COL5A1: variants seen among roughly 807,000 people sequenced by gnomAD.
COL5A1 encodes the protein collagen type V alpha 1 chain.
COL5A1 carries 16 observed loss-of-function variants against 263.7 expected under a neutral mutation model. That is an observed-to-expected ratio of 0.06 (90% confidence interval 0.04 to 0.09). The LOEUF (loss-of-function observed/expected upper bound fraction) is 0.09. Ranked by LOEUF, COL5A1 falls within the 10% of genes least tolerant of loss-of-function variation. The probability of loss-of-function intolerance (pLI) is 1.00; values close to 1 mark genes in which losing one functional copy is unlikely to be tolerated. For missense variants in COL5A1, 2,036 were observed against 2,540.5 expected, an observed-to-expected ratio of 0.80 and a Z score of 4.27; for synonymous variants, 1,012 against 1,004.5, an observed-to-expected ratio of 1.01 and a Z score of -0.14.
At chr9:134,839,335 G>A (rs184467956) in intron 65 of COL5A1, among the ~76,000 whole-genome samples, 6 of 152,172 alleles carry the variant, frequency 3.9e-5, no homozygotes, top group African/African-American at 4.8e-5. Flanking sequence ...AGAGCGGCTC[G>A]CAGCGGCCTA....
intron 6 of COL5A1, 77 bp downstream of exon 6, chr9:134,728,884 G>A (rs1295532556): frequency 2.5e-6 from 4 of 1,588,736 alleles, no homozygotes; most frequent in Middle Eastern, 3.4e-4. Context: ...GCCAGGAGAG[G>A]TTGTGTCAGG....
At chr9:134,800,745 C>CAAACA (rs1554802726) in intron 37 of COL5A1, among the ~76,000 whole-genome samples, 2 of 25,972 alleles carry the variant, frequency 7.7e-5, no homozygotes, top group East Asian at 4.3e-3. Flanking sequence ...AACTCTGTCT[C>CAAACA]AAACAAAAAA....
At position 134,757,114 on chromosome 9, in the gene COL5A1, G is replaced by T. The variant is rs1480794889; in HGVS notation, c.1881+296G>T. Among the ~76,000 whole-genome samples, 1 of 152,226 alleles carries T rather than the reference G, an allele frequency of 6.6e-6. No homozygotes were observed. Among genetic ancestry groups the T allele is most frequent in the Admixed American group, 6.5e-5 (1 of 15,288 alleles). On this transcript the variant is annotated intron_variant, in intron 17 of 65. Transcript: ENST00000371817. The surrounding 1 kb of genome is among the most constrained non-coding windows in gnomAD (Gnocchi z 6.2). ...TGGCCGTGCAGGTGACGAGGCGCAT[G>T]TAGGGCAGAGGCGGGGCATATGGCA...
intron 11 of COL5A1, among the ~76,000 whole-genome samples, chr9:134,744,658 C>G (rs1835426245): frequency 6.6e-6 from 1 of 151,954 alleles, no homozygotes; most frequent in Non-Finnish European, 1.5e-5. Flanking sequence ...CACAGGTACG[C>G]TCACACACAT....
rs111463434 is a variant in COL5A1, at chr9:134,732,277, G to T, written c.1389+150G>T. The T allele has an allele frequency of 3.1e-4, 241 of 766,820 alleles. No homozygotes were observed. In the African/African-American group the frequency reaches 3.6e-3, roughly 11 times the overall value. 47.5% of individuals were successfully genotyped at this position (766,820 alleles called of 1,614,324 possible). On this transcript the variant is annotated intron_variant, in intron 9 of 65. Transcript: ENST00000371817. Reference sequence around the variant, plus strand: ...AACCACCTGGTCTCGTGGAGTCCACGCACCACTTGTCCCCAGGACTTGTGA... The same window carrying T: ...AACCACCTGGTCTCGTGGAGTCCACTCACCACTTGTCCCCAGGACTTGTGA...
At chr9:134,823,362 C>A in intron 60 of COL5A1, 54 bp from the exon 61 acceptor site, 2 of 1,594,830 alleles carry the variant, frequency 1.3e-6, no homozygotes, top group South Asian at 1.1e-5. Context: ...AAGGTGGATT[C>A]AAAGTCCCCT....
intron 11 of COL5A1, among the ~76,000 whole-genome samples, chr9:134,748,715 C>T (rs972994638): frequency 1.2e-4 from 19 of 152,306 alleles, no homozygotes; most frequent in African/African-American, 4.6e-4. Context: ...TTCTTTGACC[C>T]AGCAGCACTG....
chr9:134,660,193 A>G (rs1832160888), intron 1 of COL5A1, among the ~76,000 whole-genome samples: 1 of 152,162 alleles, frequency 6.6e-6, no homozygotes. Flanking sequence ...TCCACCCTTT[A>G]TCCTATTAGC....
chr9:134,827,173 A>G (rs1839319275), intron 63 of COL5A1, among the ~76,000 whole-genome samples: 1 of 152,188 alleles, frequency 6.6e-6, no homozygotes, highest in Non-Finnish European at 1.5e-5. Flanking sequence ...TAACAACCTC[A>G]GTGCCCCAGA....
rs530992080 is a variant in COL5A1 at position 134,747,476 on chromosome 9, TACACACATGCATTC to T, written c.1495-3054_1495-3041del. 7.7e-3 allele frequency among the ~76,000 whole-genome samples: 1,165 copies of T among 150,852 alleles called. 9 individuals carry two copies. Among genetic ancestry groups the T allele is most frequent in the Middle Eastern group, 0.022 (6 of 278 alleles). ...ATTCCCACACAAACGTACACATGCATACACACATGCATTCACACACATGCACACACGTACACATT... is the reference window on the plus strand; with the variant it reads ...ATTCCCACACAAACGTACACATGCATACACACATGCACACACGTACACATT... On this transcript the variant is annotated intron_variant, in intron 11 of 65. Coordinates refer to ENST00000371817, the MANE Select transcript of COL5A1 (RefSeq NM_000093.5).
rs1837994304 is a variant in COL5A1 at position 134,798,435 on chromosome 9, G to A, written c.2926G>A (p.Gly976Arg). The A allele has an allele frequency of 6.2e-7, 1 of 1,614,168 alleles. No individual in the cohort carries two copies. The highest frequency in any genetic ancestry group is 8.5e-7 in the Non-Finnish European group (1 of 1,180,004). Residue 976 changes from glycine to arginine, a missense_variant, in exon 37 of 66, where the codon GGA (glycine) becomes AGA (arginine). Physicochemically the swap from Gly to Arg is moderately radical, Grantham distance 125 (BLOSUM62 -2). Transcript: ENST00000371817. The stretch of plus-strand genomic sequence containing the variant: ...CCCTCCAGGCAAGGATGGACTCCCA[G>A]GACACCCTGGACAGAGAGGCGAGAC... ...PGPPGKDGLP[G>R]HPGQRGETGF...
At chr9:134,766,534 G>T in intron 22 of COL5A1, 36 bp downstream of exon 22, 1 of 1,607,924 alleles carries the variant, frequency 6.2e-7, no homozygotes. Context: ...GGCTTCAGGG[G>T]CACTTTCCCT....
At chr9:134,764,730 T>C (rs1836595481) in intron 20 of COL5A1, among the ~76,000 whole-genome samples, 1 of 152,098 alleles carries the variant, frequency 6.6e-6, no homozygotes, top group South Asian at 2.1e-4. Flanking sequence ...TGCAGACTCA[T>C]TTGGGACTAA....
At chr9:134,725,919 A>G (rs1834631854) in intron 4 of COL5A1, among the ~76,000 whole-genome samples, 1 of 152,198 alleles carries the variant, frequency 6.6e-6, no homozygotes, top group Non-Finnish European at 1.5e-5. Context: ...GAACACTTGT[A>G]TACATTTATT....
rs1167407595 is a variant in COL5A1 at position 134,680,575 on chromosome 9, C to T, written c.110-10337C>T. Among the ~76,000 whole-genome samples the T allele has an allele frequency of 1.1e-4, 16 of 152,230 alleles. No homozygotes were observed. On this transcript the variant is annotated intron_variant, in intron 1 of 65. Coordinates refer to ENST00000371817, the MANE Select transcript of COL5A1 (RefSeq NM_000093.5). This position sits in a 1 kb window ranked among gnomAD's most constrained non-coding sequence, Gnocchi z 5.9. The stretch of plus-strand genomic sequence containing the variant: ...TCCAAACTGCTGCTCTCTGCTGTAC[C>T]ATGTCCGGTGAGGTCCTGAAGTGCA...
rs1830171945 is a variant in COL5A1 at position 134,843,880 on chromosome 9, A to T, written c.*1577A>T. ...TCCCATCTCAAATGTCCTGGATGCG[A>T]GCGTCAGCGGCTCCAGAGCTCGGGG... is the stretch of plus-strand genomic sequence containing the variant. On this transcript the variant is annotated 3_prime_UTR_variant, in exon 66 of 66. Coordinates refer to ENST00000371817, the MANE Select transcript of COL5A1 (RefSeq NM_000093.5). The T allele has an allele frequency of 6.6e-6, 1 of 152,546 alleles. No individual in the cohort carries two copies. Among genetic ancestry groups the T allele is most frequent in the Admixed American group, 6.5e-5 (1 of 15,284 alleles). The allele number at this position is 152,546 out of a possible 1,614,324, so 9.4% of individuals were successfully genotyped here. A position where few individuals can be genotyped will look rare whatever the true frequency, so the allele number is the denominator to read the frequency against.
chr9:134,762,344 G>A (rs768967067), intron 19 of COL5A1, among the ~76,000 whole-genome samples: 1 of 152,238 alleles, frequency 6.6e-6, no homozygotes, highest in African/African-American at 2.4e-5. Context: ...CAGATGAGGA[G>A]TTAGCTGGAG....
At chr9:134,664,875 A>G (rs2132503231) in intron 1 of COL5A1, among the ~76,000 whole-genome samples, 1 of 152,326 alleles carries the variant, frequency 6.6e-6, no homozygotes, top group East Asian at 1.9e-4. Flanking sequence ...CAGCCTGGCC[A>G]ACATGATGAA....
chr9:134,813,331 A>G (rs998726079), intron 48 of COL5A1, among the ~76,000 whole-genome samples: 5 of 152,190 alleles, frequency 3.3e-5, no homozygotes, highest in African/African-American at 1.2e-4. Context: ...GAGGGAAGAC[A>G]GAGTGTACAT....
Sources: allele counts gnomAD v4.1 joint callset (sites outside exome capture counted in the v4.1 genomes callset), GRCh38; gene constraint gnomAD v4.1.1; non-coding constraint Gnocchi (gnomAD v3.1); transcripts MANE v1.5; gene names NCBI Gene and HGNC (gene_info 2026-07-23, HGNC 2026-07-21).